The following ATP9B variants were observed in gnomAD, a reference collection of about 807,000 sequenced individuals.
ATP9B encodes the protein ATPase phospholipid transporting 9B.
In ATP9B, 110 loss-of-function variants were observed where a neutral mutation model predicts 146.1. The ratio of observed to expected loss-of-function variants is 0.75; its 90% CI spans 0.65 to 0.88. The LOEUF (loss-of-function observed/expected upper bound fraction) is 0.88, where lower values mean the gene tolerates loss of function less well. ATP9B is among the 40% of genes least tolerant of loss of function. The pLI is 0.00. For synonymous variants in ATP9B, 604 were observed against 569.7 expected, an observed-to-expected ratio of 1.06 and a Z score of -0.86; for missense variants, 1,499 against 1,496.4, an observed-to-expected ratio of 1.00 and a Z score of -0.03.
chr18:79,204,544 A>G (rs1422055492), intron 9 of ATP9B, among the ~76,000 whole-genome samples: 1 of 152,230 alleles, frequency 6.6e-6, no homozygotes, highest in African/African-American at 2.4e-5. Context: ...TTGCATATGA[A>G]TACAGGTTAA....
At chr18:79,123,687 A>G (rs2094229270) in intron 4 of ATP9B, among the ~76,000 whole-genome samples, 1 of 152,218 alleles carries the variant, frequency 6.6e-6, no homozygotes, top group East Asian at 1.9e-4. Flanking sequence ...TACAAACTGC[A>G]TGATCAAGAC....
rs879710186 is a variant in ATP9B at position 79,149,711 on chromosome 18, T to TA, written c.727-4779dup. ...TATAAAAACTCCTAAAACTTAACAG[T>TA]AAAAAAAAAAAAAATTTGAAATTAG... On this transcript the variant is annotated intron_variant, in intron 6 of 29. Coordinates refer to ENST00000426216, the MANE Select transcript of ATP9B (RefSeq NM_198531.5). Among the ~76,000 whole-genome samples, 170 of 135,434 alleles carry TA rather than the reference T, an allele frequency of 1.3e-3. 1 individual carries two copies. The highest frequency in any genetic ancestry group is 3.6e-3 in the Middle Eastern group (1 of 280). The allele number at this position is 135,434 out of a possible 152,430, so 88.8% of individuals were successfully genotyped here.
chr18:79,069,583 G>A (rs2071460209), intron 1 of ATP9B, 54 bp downstream of exon 1: 4 of 1,166,142 alleles, frequency 3.4e-6, no homozygotes, highest in Admixed American at 4.3e-5. Context: ...GGGGCCCCCA[G>A]CCCACCGCAG....
intron 2 of ATP9B, among the ~76,000 whole-genome samples, chr18:79,100,913 AG>A: frequency 6.6e-6 from 1 of 152,210 alleles, no homozygotes. Context: ...AGAACAGCCC[AG>A]GAAAGTCCCA....
At chr18:79,339,046 C>T (rs113052117) in intron 19 of ATP9B, among the ~76,000 whole-genome samples, 2 of 152,326 alleles carry the variant, frequency 1.3e-5, no homozygotes, top group African/African-American at 4.8e-5. Flanking sequence ...GATTTAATGT[C>T]CTTCTGAGAT....
At chr18:79,333,504 T>C (rs1281220989) in intron 17 of ATP9B, among the ~76,000 whole-genome samples, 1 of 152,258 alleles carries the variant, frequency 6.6e-6, no homozygotes, top group African/African-American at 2.4e-5. Flanking sequence ...GTGTCTGCAT[T>C]ATCAATGTTC....
intron 29 of ATP9B, chr18:79,376,297 C>T (rs762170254): frequency 1.2e-5 from 12 of 985,192 alleles, no homozygotes; most frequent in Non-Finnish European, 1.1e-5. Flanking sequence ...TCCCTAAGCA[C>T]CACAACTAGT....
In ATP9B at chr18:79,377,645, G is replaced by C. The variant is rs1339941003; in HGVS notation, c.*262G>C. The stretch of plus-strand genomic sequence containing the variant: ...CAGTGCGAGGCTTCACCCCTGCCAG[G>C]CAAGCCCAGGGCATAGATGCTGAGA... On this transcript the variant is annotated 3_prime_UTR_variant, in exon 30 of 30. Coordinates refer to ENST00000426216, the MANE Select transcript of ATP9B (RefSeq NM_198531.5). 2.0e-6 allele frequency: 1 copy of C among 507,366 alleles called. No homozygotes were observed. The highest frequency in any genetic ancestry group is 3.4e-5 in the East Asian group (1 of 29,220). 31.4% of individuals were successfully genotyped at this position (507,366 alleles called of 1,614,324 possible). A position where few individuals can be genotyped will look rare whatever the true frequency, so the allele number is the denominator to read the frequency against.
In ATP9B at chr18:79,180,597, A is replaced by G. The variant is rs576476809; in HGVS notation, c.873+3690A>G. On this transcript the variant is annotated intron_variant, in intron 8 of 29. Coordinates refer to ENST00000426216, the MANE Select transcript of ATP9B (RefSeq NM_198531.5). Reference sequence around the variant, plus strand: ...ATATTTTAAAGATAGTAAAAAATGAAAACAGTCTTTTCTGTTTACCCATGT... The same window carrying G: ...ATATTTTAAAGATAGTAAAAAATGAGAACAGTCTTTTCTGTTTACCCATGT... 7.2e-5 allele frequency among the ~76,000 whole-genome samples: 11 copies of G among 152,268 alleles called. No individual in the cohort carries two copies. The South Asian group carries it at 2.1e-3, about 29-fold the overall frequency.
intron 9 of ATP9B, among the ~76,000 whole-genome samples, chr18:79,203,790 A>G (rs1039944618): frequency 1.3e-5 from 2 of 152,258 alleles, no homozygotes; most frequent in Admixed American, 1.3e-4. Context: ...GACCCCCAGC[A>G]GGTAAAGGAT....
intron 25 of ATP9B, chr18:79,352,862 C>T (rs2096929725): frequency 6.6e-6 from 1 of 152,176 alleles, no homozygotes; most frequent in Non-Finnish European, 1.5e-5. Flanking sequence ...AGTTTTTGCT[C>T]TTCTAAACAT....
intron 1 of ATP9B, among the ~76,000 whole-genome samples, chr18:79,081,451 G>A (rs1202418437): frequency 1.3e-5 from 2 of 151,484 alleles, no homozygotes; most frequent in Non-Finnish European, 2.9e-5. Context: ...TGGGATCAGT[G>A]GTGATATCAC....
At chr18:79,154,612 A>G in intron 7 of ATP9B, 57 bp downstream of exon 7, 2 of 1,173,934 alleles carry the variant, frequency 1.7e-6, no homozygotes. Flanking sequence ...AAACAAATTT[A>G]CAAATATCTA....
intron 9 of ATP9B, among the ~76,000 whole-genome samples, chr18:79,198,886 A>G (rs1163861178): frequency 3.9e-5 from 6 of 152,234 alleles, no homozygotes; most frequent in Non-Finnish European, 2.9e-5. Context: ...AACACTGTAC[A>G]TGTAAGCTAC....
intron 12 of ATP9B, among the ~76,000 whole-genome samples, chr18:79,263,010 T>C (rs1306358368): frequency 6.6e-6 from 1 of 152,164 alleles, no homozygotes. Context: ...AAGTTATTAC[T>C]TCTTGTTGCA....
At chr18:79,359,130 A>G (rs1254521640) in intron 25 of ATP9B, among the ~76,000 whole-genome samples, 5 of 152,160 alleles carry the variant, frequency 3.3e-5, no homozygotes, top group Non-Finnish European at 5.9e-5. Context: ...TTTAAAAATC[A>G]TTCTTCTACC....
chr18:79,284,023 C>A (rs915074453), intron 13 of ATP9B, among the ~76,000 whole-genome samples: 1 of 152,146 alleles, frequency 6.6e-6, no homozygotes, highest in East Asian at 1.9e-4. Flanking sequence ...TTTTTTAGGA[C>A]TCACATTTTA....
At chr18:79,154,647 C>T (rs963244117) in intron 7 of ATP9B, 92 bp downstream of exon 7, 20 of 793,454 alleles carry the variant, frequency 2.5e-5, no homozygotes, top group Non-Finnish European at 3.7e-5. Flanking sequence ...GTTTTCCTTA[C>T]ATTTTTAGTA....
At chr18:79,101,008 A>AAAAT (rs1415897150) in intron 2 of ATP9B, among the ~76,000 whole-genome samples, 6 of 152,148 alleles carry the variant, frequency 3.9e-5, no homozygotes, top group Non-Finnish European at 7.3e-5. Context: ...GACACAGCCA[A>AAAAT]ACCATATCAG....
Sources: allele counts gnomAD v4.1 joint callset (sites outside exome capture counted in the v4.1 genomes callset), GRCh38; gene constraint gnomAD v4.1.1; transcripts MANE v1.5; gene names NCBI Gene and HGNC (gene_info 2026-07-23, HGNC 2026-07-21).